The following ZFP36L2 variants were observed in gnomAD, a reference collection of about 807,000 sequenced individuals.
The protein encoded by ZFP36L2 is ZFP36 like 2 zinc finger CCCH-type.
A neutral mutation model predicts 27.9 loss-of-function variants in ZFP36L2; 16 were observed. That is an observed-to-expected ratio of 0.57 (90% confidence interval 0.39 to 0.87). ZFP36L2 has a LOEUF of 0.87. Among genes scored for constraint, ZFP36L2 ranks in the 40% least tolerant of loss-of-function variants. ZFP36L2 has a pLI of 0.00. For synonymous variants in ZFP36L2, 600 were observed against 363.8 expected, an observed-to-expected ratio of 1.65 and a Z score of -7.39; for missense variants, 989 against 726.9, an observed-to-expected ratio of 1.36 and a Z score of -4.15.
chr2:43,226,090 GCGCCCTCCTTGC>G (rs994696687), intron 1 of ZFP36L2, among the ~76,000 whole-genome samples, 163 bp downstream of exon 1: 5 of 152,218 alleles, frequency 3.3e-5, no homozygotes, highest in Non-Finnish European at 5.9e-5. Flanking sequence ...CGCGACACCG[GCGCCCTCCTTGC>G]CGCCCTCCCC....
At position 43,226,445 on chromosome 2, in the gene ZFP36L2, G is replaced by T; in HGVS notation, c.-130C>A. ...GGGGAGGGGCCGAAAGTTTGCCGGG[G>T]GGCGAGAGGAGAGGGCGAGTGCAGC... On this transcript the variant is annotated 5_prime_UTR_variant, in exon 1 of 2. Coordinates refer to ENST00000282388, the MANE Select transcript of ZFP36L2 (RefSeq NM_006887.5). The T allele has an allele frequency of 8.1e-7, 1 of 1,239,370 alleles. No individual in the cohort carries two copies. Among genetic ancestry groups the T allele is most frequent in the Non-Finnish European group, 1.1e-6 (1 of 873,496 alleles). The allele number at this position is 1,239,370 out of a possible 1,614,324, so 76.8% of individuals were successfully genotyped here. A position where few individuals can be genotyped will look rare whatever the true frequency, so the allele number is the denominator to read the frequency against.
Position 43,224,589 on chromosome 2 carries a change from G to A in ZFP36L2, c.1215C>T (p.Pro405=). 7.4e-7 allele frequency: 1 copy of A among 1,349,028 alleles called. No homozygotes were observed. The highest frequency in any genetic ancestry group is 9.5e-7 in the Non-Finnish European group (1 of 1,055,106). 83.6% of individuals were successfully genotyped at this position (1,349,028 alleles called of 1,614,324 possible). A position where few individuals can be genotyped will look rare whatever the true frequency, so the allele number is the denominator to read the frequency against. The change falls in exon 2 of 2, where the codon CCC becomes CCT. Residue 405 remains proline (P), a synonymous_variant. Coordinates refer to ENST00000282388, the MANE Select transcript of ZFP36L2 (RefSeq NM_006887.5). ...QQQQQQQGLA[P]PAQPPAPPSA... is the part of the protein sequence containing the mutation. ...TGGGCGGCGCCGGCGGCTGCGCGGG[G>A]GGCGCCAGGCCCTGCTGCTGCTGCT...
chr2:43,224,684 T>C lies in ZFP36L2; in HGVS notation c.1120A>G (p.Thr374Ala). 2 of 1,538,952 alleles carry C rather than the reference T, an allele frequency of 1.3e-6. No individual in the cohort carries two copies. Among genetic ancestry groups the C allele is most frequent in the Admixed American group, 1.9e-5 (1 of 53,238 alleles). The change falls in exon 2 of 2, where the codon ACG becomes GCG. Residue 374 changes from threonine (T) to alanine (A), a missense_variant. Transcript: ENST00000282388. ...AFGPELSSLI[T>A]PLAIQTHNFA... ...TTGTGGGTCTGGATGGCGAGCGGCG[T>C]GATGAGGCTGCTGAGCTCCGGACCG...
intron 1 of ZFP36L2, 148 bp downstream of exon 1, chr2:43,226,117 C>T: frequency 8.6e-7 from 1 of 1,167,004 alleles, no homozygotes; most frequent in Non-Finnish European, 1.2e-6. Context: ...CTCCCCGCCT[C>T]CAGGGCGCTC....
chr2:43,224,944 G>A lies in ZFP36L2; in HGVS notation c.860C>T (p.Thr287Met), dbSNP rs1395854850. ...PLLLDSPTSR[T>M]PPPPSCSSAS... ...CGAAGAGCAGGAGGGCGGCGGCGGC[G>A]TGCGCGACGTGGGGCTGTCGAGCAG... The change falls in exon 2 of 2, where the codon ACG becomes ATG. Residue 287 changes from threonine (T) to methionine (M), a missense_variant. Physicochemically the swap from Thr to Met is moderately conservative, Grantham distance 81. Coordinates refer to ENST00000282388, the MANE Select transcript of ZFP36L2 (RefSeq NM_006887.5). The A allele has an allele frequency of 6.4e-7, 1 of 1,550,976 alleles. No homozygotes were observed. Among genetic ancestry groups the A allele is most frequent in the Non-Finnish European group, 8.6e-7 (1 of 1,164,578 alleles).
At chr2:43,225,946 G>T (rs1008902913) in intron 1 of ZFP36L2, among the ~76,000 whole-genome samples, 194 bp from the exon 2 acceptor site, 1 of 152,146 alleles carries the variant, frequency 6.6e-6, no homozygotes, top group Non-Finnish European at 1.5e-5. Flanking sequence ...AGCGGGAGAG[G>T]GGAGGACGCC....
Position 43,225,250 on chromosome 2 carries a change from C to T in ZFP36L2, c.554G>A (p.Ser185Asn), listed in dbSNP as rs759784530. ...QFAHGFHELR[S>N]LTRHPKYKTE... ...CTTGTACTTCGGATGGCGAGTCAGG[C>T]TGCGCAGCTCGTGGAAGCCATGCGC... Residue 185 changes from serine (S) to asparagine (N), a missense_variant, in exon 2 of 2, where the codon AGC becomes AAC. Ser to Asn is a conservative substitution (Grantham distance 46). Coordinates refer to ENST00000282388, the MANE Select transcript of ZFP36L2 (RefSeq NM_006887.5). 2 of 1,609,748 alleles carry T rather than the reference C, an allele frequency of 1.2e-6. No individual in the cohort carries two copies. The highest frequency in any genetic ancestry group is 2.2e-5 in the East Asian group (1 of 44,878).
rs146079842 is a variant in ZFP36L2, at chr2:43,224,220, C to A, written c.*99G>T. 58 of 1,292,876 alleles carry A rather than the reference C, an allele frequency of 4.5e-5. No homozygotes were observed. Among genetic ancestry groups the A allele is most frequent in the African/African-American group, 1.5e-4 (10 of 64,586 alleles). The allele number at this position is 1,292,876 out of a possible 1,614,324, so 80.1% of individuals were successfully genotyped here. ...CAGTCTGCCTAGGGCCCATGTCACCCCCCCCACTCCCGTGCCCCCAGCAAG... is the reference window on the plus strand; with the variant it reads ...CAGTCTGCCTAGGGCCCATGTCACCACCCCCACTCCCGTGCCCCCAGCAAG... On this transcript the variant is annotated 3_prime_UTR_variant, in exon 2 of 2. Transcript: ENST00000282388.
chr2:43,224,566 G>A lies in ZFP36L2; in HGVS notation c.1238C>T (p.Pro413Leu). The change falls in exon 2 of 2, where the codon CCC becomes CTC. Residue 413 changes from proline to leucine, a missense_variant. Coordinates refer to ENST00000282388, the MANE Select transcript of ZFP36L2 (RefSeq NM_006887.5). ...GGCCCCGGCGGGGAGGGTCGCGCTG[G>A]GCGGCGCCGGCGGCTGCGCGGGGGG... ...LAPPAQPPAP[P>L]SATLPAGAAA... The A allele has an allele frequency of 7.5e-7, 1 of 1,331,080 alleles. No individual in the cohort carries two copies. Among genetic ancestry groups the A allele is most frequent in the Non-Finnish European group, 9.5e-7 (1 of 1,048,240 alleles). 82.5% of individuals were successfully genotyped at this position (1,331,080 alleles called of 1,614,324 possible). A position where few individuals can be genotyped will look rare whatever the true frequency, so the allele number is the denominator to read the frequency against.
chr2:43,224,769 C>T lies in ZFP36L2; in HGVS notation c.1035G>A (p.Ala345=). 2 of 1,482,462 alleles carry T rather than the reference C, an allele frequency of 1.3e-6. No individual in the cohort carries two copies. The highest frequency in any genetic ancestry group is 2.8e-5 in the East Asian group (1 of 35,220). The allele number at this position is 1,482,462 out of a possible 1,614,324, so 91.8% of individuals were successfully genotyped here. A position where few individuals can be genotyped will look rare whatever the true frequency, so the allele number is the denominator to read the frequency against. Reference sequence around the variant, plus strand: ...AGCAGGCCGCGCACGGGGCCCCCGGCGCCAGCAGGTCCTCGGCGCCCCCGG... The same window carrying T: ...AGCAGGCCGCGCACGGGGCCCCCGGTGCCAGCAGGTCCTCGGCGCCCCCGG... The part of the protein sequence containing the change: ...YGTGGAEDLL[A]PGAPCAACSS... The change falls in exon 2 of 2, where the codon GCG becomes GCA. Residue 345 remains alanine (A), a synonymous_variant. Coordinates refer to ENST00000282388, the MANE Select transcript of ZFP36L2 (RefSeq NM_006887.5).
In ZFP36L2 at chr2:43,225,294, G is replaced by A. The variant is rs753365774; in HGVS notation, c.510C>T (p.Tyr170=). 2.5e-6 allele frequency: 4 copies of A among 1,612,358 alleles called. No homozygotes were observed. Among genetic ancestry groups the A allele is most frequent in the African/African-American group, 2.7e-5 (2 of 75,024 alleles). The stretch of plus-strand genomic sequence containing the variant: ...CATGCGCGAACTGGCACTTTTCGCC[G>A]TACTTGCACGTGCCGCTCTCCTCGA... The part of the protein sequence containing the change: ...RPFEESGTCK[Y]GEKCQFAHGF... Residue 170 remains tyrosine, a synonymous_variant, in exon 2 of 2, where the codon TAC becomes TAT. Coordinates refer to ENST00000282388, the MANE Select transcript of ZFP36L2 (RefSeq NM_006887.5).
At position 43,225,705 on chromosome 2, in the gene ZFP36L2, C is replaced by T. The variant is rs754359197; in HGVS notation, c.99G>A (p.Lys33=). ...ANLNLNNMLD[K]KAVGTPVAAA... ...CGGCCACAGGCGTCCCCACCGCCTTCTTGTCCAGCATGTTGTTCAGGTTGA... is the reference window on the plus strand; with the variant it reads ...CGGCCACAGGCGTCCCCACCGCCTTTTTGTCCAGCATGTTGTTCAGGTTGA... Residue 33 remains lysine (K), a synonymous_variant, in exon 2 of 2, where the codon AAG becomes AAA. Coordinates refer to ENST00000282388, the MANE Select transcript of ZFP36L2 (RefSeq NM_006887.5). The T allele has an allele frequency of 1.3e-4, 204 of 1,595,698 alleles. No homozygotes were observed. The highest frequency in any genetic ancestry group is 2.5e-5 in the Non-Finnish European group (30 of 1,178,766).
chr2:43,224,825 C>A lies in ZFP36L2; in HGVS notation c.979G>T (p.Ala327Ser). 7.0e-7 allele frequency: 1 copy of A among 1,423,238 alleles called. No individual in the cohort carries two copies. Among genetic ancestry groups the A allele is most frequent in the Non-Finnish European group, 9.1e-7 (1 of 1,102,162 alleles). 88.2% of individuals were successfully genotyped at this position (1,423,238 alleles called of 1,614,324 possible). Residue 327 changes from alanine (A) to serine (S), a missense_variant, in exon 2 of 2, where the codon GCC becomes TCC. Ala to Ser is a moderately conservative substitution (Grantham distance 99). Coordinates refer to ENST00000282388, the MANE Select transcript of ZFP36L2 (RefSeq NM_006887.5). Reference protein sequence around the residue: ...GAPTCCASAAAAAAAALLYGT... With the variant: ...GAPTCCASAASAAAAALLYGT... ...TACAGCAGAGCGGCCGCAGCCGCGG[C>A]CGCCGCGGAGGCGCAGCATGTCGGG...
At position 43,225,706 on chromosome 2, in the gene ZFP36L2, T is replaced by G. The variant is rs1186980861; in HGVS notation, c.98A>C (p.Lys33Thr). 1 of 1,595,520 alleles carries G rather than the reference T, an allele frequency of 6.3e-7. No homozygotes were observed. Among genetic ancestry groups the G allele is most frequent in the African/African-American group, 1.3e-5 (1 of 74,202 alleles). Residue 33 changes from lysine (K) to threonine (T), a missense_variant, in exon 2 of 2, where the codon AAG (lysine) becomes ACG (threonine). Physicochemically the swap from Lys to Thr is moderately conservative, Grantham distance 78. Coordinates refer to ENST00000282388, the MANE Select transcript of ZFP36L2 (RefSeq NM_006887.5). ...ANLNLNNMLD[K>T]KAVGTPVAAA... ...GGCCACAGGCGTCCCCACCGCCTTC[T>G]TGTCCAGCATGTTGTTCAGGTTGAG...
rs903834505 is a variant in ZFP36L2, at chr2:43,223,432, T to C, written c.*887A>G. ...CTTGATAAATACAGTATGAACAAAA[T>C]TTTCATTGTATACTTTTCACAAGAT... On this transcript the variant is annotated 3_prime_UTR_variant, in exon 2 of 2. Coordinates refer to ENST00000282388, the MANE Select transcript of ZFP36L2 (RefSeq NM_006887.5). 1 of 152,258 alleles carries C rather than the reference T, an allele frequency of 6.6e-6. No homozygotes were observed. Among genetic ancestry groups the C allele is most frequent in the Non-Finnish European group, 1.5e-5 (1 of 68,032 alleles). 9.4% of individuals were successfully genotyped at this position (152,258 alleles called of 1,614,324 possible).
At position 43,225,659 on chromosome 2, in the gene ZFP36L2, C is replaced by T. The variant is rs991687116; in HGVS notation, c.145G>A (p.Ala49Thr). 6.9e-6 allele frequency: 11 copies of T among 1,585,822 alleles called. No individual in the cohort carries two copies. Among genetic ancestry groups the T allele is most frequent in the Non-Finnish European group, 7.7e-6 (9 of 1,174,298 alleles). The change falls in exon 2 of 2, where the codon GCG becomes ACG. Residue 49 changes from alanine to threonine, a missense_variant. Coordinates refer to ENST00000282388, the MANE Select transcript of ZFP36L2 (RefSeq NM_006887.5). ...PVAAAPSSGF[A>T]PGFLRRHSAS... is the part of the protein sequence containing the mutation. ...GAGTGCCGTCGGAGGAATCCCGGCG[C>T]GAAGCCCGAGCTGGGGGCGGCGGCC...
Position 43,226,510 on chromosome 2 carries a change from G to C in ZFP36L2, c.-195C>G, listed in dbSNP as rs535741208. ...GGAGGGTCCGGCGGAGTGCGGCAGG[G>C]GGGAAGGAGAGAAGCGAGGAGCGCT... On this transcript the variant is annotated 5_prime_UTR_variant, in exon 1 of 2. Coordinates refer to ENST00000282388, the MANE Select transcript of ZFP36L2 (RefSeq NM_006887.5). 4 of 638,206 alleles carry C rather than the reference G, an allele frequency of 6.3e-6. No homozygotes were observed. The highest frequency in any genetic ancestry group is 3.2e-5 in the Admixed American group (1 of 30,924). The allele number at this position is 638,206 out of a possible 1,614,324, so 39.5% of individuals were successfully genotyped here.
Position 43,224,674 on chromosome 2 carries a change from G to C in ZFP36L2, c.1130C>G (p.Ala377Gly), listed in dbSNP as rs759630554. Reference protein sequence around the residue: ...PELSSLITPLAIQTHNFAAVA... With the variant: ...PELSSLITPLGIQTHNFAAVA... ...GGCGGCAAAGTTGTGGGTCTGGATG[G>C]CGAGCGGCGTGATGAGGCTGCTGAG... Residue 377 changes from alanine to glycine, a missense_variant, in exon 2 of 2, where the codon GCC (alanine) becomes GGC (glycine). Ala to Gly is a moderately conservative substitution (Grantham distance 60, BLOSUM62 0). Transcript: ENST00000282388. 1.1e-5 allele frequency: 17 copies of C among 1,540,020 alleles called. No individual in the cohort carries two copies. The highest frequency in any genetic ancestry group is 1.4e-5 in the African/African-American group (1 of 70,038).
Position 43,226,426 on chromosome 2 carries a change from G to A in ZFP36L2, c.-111C>T. The stretch of plus-strand genomic sequence containing the variant: ...CGAATAACGGGCGAGGGGCGGGGAG[G>A]GGCCGAAAGTTTGCCGGGGGGCGAG... On this transcript the variant is annotated 5_prime_UTR_variant, in exon 1 of 2. Coordinates refer to ENST00000282388, the MANE Select transcript of ZFP36L2 (RefSeq NM_006887.5). 2.8e-6 allele frequency: 4 copies of A among 1,421,098 alleles called. No individual in the cohort carries two copies. Among genetic ancestry groups the A allele is most frequent in the Non-Finnish European group, 3.9e-6 (4 of 1,034,922 alleles). The allele number at this position is 1,421,098 out of a possible 1,614,324, so 88.0% of individuals were successfully genotyped here.
Sources: allele counts gnomAD v4.1 joint callset (sites outside exome capture counted in the v4.1 genomes callset), GRCh38; gene constraint gnomAD v4.1.1; transcripts MANE v1.5; gene names NCBI Gene and HGNC (gene_info 2026-07-23, HGNC 2026-07-21).